The following PCYT1B variants were observed in gnomAD, a reference collection of about 807,000 sequenced individuals.
PCYT1B encodes phosphate cytidylyltransferase 1B, choline, also known as choline-phosphate cytidylyltransferase B.
PCYT1B carries 10 observed loss-of-function variants against 26.4 expected under a neutral mutation model. That is an observed-to-expected ratio of 0.38 (90% CI 0.23 to 0.64). PCYT1B has a LOEUF of 0.64. Ranked by LOEUF, PCYT1B falls within the 30% of genes least tolerant of loss-of-function variation. The pLI, the probability that PCYT1B is intolerant of heterozygous loss-of-function variation, is 0.56. For synonymous variants in PCYT1B, 131 were observed against 108.4 expected (o/e 1.21, Z -1.29); for missense variants, 161 against 292.7 (o/e 0.55, Z 3.28).
intron 3 of PCYT1B, among the ~76,000 whole-genome samples, chrX:24,605,857 C>T (rs1333510014): frequency 9.2e-6 from 1 of 109,121 alleles, no homozygotes; most frequent in Non-Finnish European, 1.9e-5. Context: ...AGTTGAAGAC[C>T]AGCCTGACCA....
chrX:24,598,459 C>A, intron 3 of PCYT1B, among the ~76,000 whole-genome samples: 1 of 108,905 alleles, frequency 9.2e-6, no homozygotes, highest in Non-Finnish European at 1.9e-5. Flanking sequence ...TCCCAAAAGG[C>A]AAACACTAGA....
intron 1 of PCYT1B, among the ~76,000 whole-genome samples, chrX:24,655,639 C>T (rs1333327692): frequency 9.0e-6 from 1 of 110,851 alleles, no homozygotes; most frequent in Non-Finnish European, 1.9e-5. Context: ...AAAAATTAGC[C>T]AGGCGTGGTG....
chrX:24,589,891 C>A lies in PCYT1B; in HGVS notation c.486+132G>T, dbSNP rs1924499684. The A allele has an allele frequency of 1.2e-5, 6 of 497,877 alleles. No individual in the cohort carries two copies. In the South Asian group the frequency reaches 2.7e-4, roughly 22 times the overall value. The allele number at this position is 497,877 out of a possible 1,213,427, so 41.0% of individuals were successfully genotyped here. A position where few individuals can be genotyped will look rare whatever the true frequency, so the allele number is the denominator to read the frequency against. ...GGCGGACGAAAGGTGCCACATCAAG[C>A]AGTTCCACATGACAGTTCCTGAAGT... On this transcript the variant is annotated intron_variant, in intron 4 of 7. Coordinates refer to ENST00000379144, the MANE Select transcript of PCYT1B (RefSeq NM_004845.5).
chrX:24,633,209 CAA>C (rs1173874144), intron 1 of PCYT1B, among the ~76,000 whole-genome samples: 1,980 of 16,392 alleles, frequency 0.12, 20 homozygotes, highest in African/African-American at 0.3. Flanking sequence ...GACTATGTCT[CAA>C]AAAAAAAAAA....
At chrX:24,646,751 A>G (rs767140986) in intron 1 of PCYT1B, among the ~76,000 whole-genome samples, 34 of 111,288 alleles carry the variant, frequency 3.1e-4, no homozygotes, top group Non-Finnish European at 6.2e-4. Context: ...AAGCACAAAA[A>G]CACAGCATAT....
At chrX:24,570,327 C>A (rs1923783832) in intron 7 of PCYT1B, among the ~76,000 whole-genome samples, 1 of 108,825 alleles carries the variant, frequency 9.2e-6, no homozygotes, top group South Asian at 4.2e-4. Flanking sequence ...AATCTCGAGT[C>A]ATTGCAACCT....
intron 4 of PCYT1B, among the ~76,000 whole-genome samples, chrX:24,588,689 G>A (rs1033266144): frequency 9.0e-6 from 1 of 111,295 alleles, no homozygotes; most frequent in African/African-American, 3.3e-5. Context: ...TTGGTGTCGG[G>A]AGTTGTCCTG....
intron 2 of PCYT1B, among the ~76,000 whole-genome samples, chrX:24,610,247 TAAAG>T (rs1925268727): frequency 8.9e-6 from 1 of 112,020 alleles, no homozygotes; most frequent in African/African-American, 3.2e-5. Flanking sequence ...ATTTGGAACA[TAAAG>T]AAATGTTACA....
chrX:24,598,906 A>C (rs1924873791), intron 3 of PCYT1B, among the ~76,000 whole-genome samples: 1 of 112,175 alleles, frequency 8.9e-6, no homozygotes, highest in Non-Finnish European at 1.9e-5. Context: ...CTGCAAAGTT[A>C]GTAATCTGAA....
intron 1 of PCYT1B, among the ~76,000 whole-genome samples, chrX:24,634,251 C>T (rs1246798372): frequency 1.8e-5 from 2 of 111,736 alleles, no homozygotes; most frequent in African/African-American, 6.5e-5. Flanking sequence ...TACACTGGTG[C>T]CCCATTTCTG....
chrX:24,651,809 C>A (rs540439525), upstream of PCYT1B, among the ~76,000 whole-genome samples: 5 of 109,326 alleles, frequency 4.6e-5, no homozygotes, highest in African/African-American at 1.7e-4. Context: ...GGCACCGCAC[C>A]AACCCTATAT....
intron 2 of PCYT1B, among the ~76,000 whole-genome samples, chrX:24,613,950 C>CAAA (rs200062439): frequency 9.1e-5 from 7 of 77,209 alleles, no homozygotes; most frequent in Non-Finnish European, 1.0e-4. Context: ...AACAACCTGT[C>CAAA]AAAAAAAAAA....
At chrX:24,612,918 T>C (rs1925353169) in intron 2 of PCYT1B, among the ~76,000 whole-genome samples, 1 of 112,411 alleles carries the variant, frequency 8.9e-6, no homozygotes, top group Admixed American at 9.5e-5. Flanking sequence ...AAGGCTTGGA[T>C]TGTGGCTATT....
chrX:24,618,774 C>G (rs965586736), intron 2 of PCYT1B, among the ~76,000 whole-genome samples: 8 of 110,058 alleles, frequency 7.3e-5, no homozygotes, highest in Non-Finnish European at 1.5e-4. Flanking sequence ...AGGCGTGCAC[C>G]ACCACACCTG....
rs775420755 is a variant in PCYT1B at position 24,598,482 on chromosome X, T to C, written c.335-8308A>G. ...GGCAAACACTAGAATTTGATATATATATACACACACACACACACACACACA... is the reference window on the plus strand; with the variant it reads ...GGCAAACACTAGAATTTGATATATACATACACACACACACACACACACACA... On this transcript the variant is annotated intron_variant, in intron 3 of 7. Transcript: ENST00000379144. Among the ~76,000 whole-genome samples the C allele has an allele frequency of 3.2e-3, 343 of 106,566 alleles. 1 individual carries two copies. The highest frequency in any genetic ancestry group is 0.014 in the Middle Eastern group (3 of 211). The allele number at this position is 106,566 out of a possible 115,157, so 92.5% of individuals were successfully genotyped here. A position where few individuals can be genotyped will look rare whatever the true frequency, so the allele number is the denominator to read the frequency against.
chrX:24,599,699 C>T (rs1325734160), intron 3 of PCYT1B, among the ~76,000 whole-genome samples: 2 of 111,133 alleles, frequency 1.8e-5, no homozygotes, highest in South Asian at 7.6e-4. Context: ...CATTAAAACA[C>T]ATCACATTAG....
intron 1 of PCYT1B, among the ~76,000 whole-genome samples, chrX:24,671,169 C>T (rs1048514241): frequency 1.8e-5 from 2 of 110,788 alleles, no homozygotes; most frequent in Middle Eastern, 4.6e-3. Context: ...GGGGTTTCAC[C>T]ATGTTGGCCA....
In PCYT1B at chrX:24,587,282, G is replaced by A. The variant is rs772981585; in HGVS notation, c.524C>T (p.Ser175Phe). The change falls in exon 5 of 8, where the codon TCT becomes TTT. Residue 175 changes from serine to phenylalanine, a missense_variant. Ser to Phe is a radical substitution (Grantham distance 155). This residue lies in a region of PCYT1B where 65 missense variants were observed against 145.0 expected (regional missense o/e 0.45). Coordinates refer to ENST00000379144, the MANE Select transcript of PCYT1B (RefSeq NM_004845.5). ...FVAHDDIPYS[S>F]AGSDDVYKHI... ...CTTGTAAACATCATCAGAGCCAGCAGAGGAATACGGAATGTCATCATGAGC... is the reference window on the plus strand; with the variant it reads ...CTTGTAAACATCATCAGAGCCAGCAAAGGAATACGGAATGTCATCATGAGC... 8.3e-7 allele frequency: 1 copy of A among 1,206,025 alleles called. No individual in the cohort carries two copies. The highest frequency in any genetic ancestry group is 1.1e-6 in the Non-Finnish European group (1 of 890,621).
upstream of PCYT1B, among the ~76,000 whole-genome samples, chrX:24,651,442 G>A (rs1926761752): frequency 1.6e-5 from 1 of 64,246 alleles, no homozygotes; most frequent in South Asian, 1.1e-3. Flanking sequence ...GCAACAGAGC[G>A]AGATGCCATC....
Sources: allele counts gnomAD v4.1 joint callset (sites outside exome capture counted in the v4.1 genomes callset), GRCh38; gene constraint gnomAD v4.1.1; regional missense constraint gnomAD v4.1.1; transcripts MANE v1.5; gene names NCBI Gene and HGNC (gene_info 2026-07-23, HGNC 2026-07-21).